Variants in BDNF observed in about 807,000 individuals in gnomAD.
BDNF encodes the protein neurotrophic factor BDNF precursor form.
A neutral mutation model predicts 19.5 loss-of-function variants in BDNF; 1 was observed. The ratio of observed to expected loss-of-function variants is 0.05; its 90% confidence interval spans 0.02 to 0.24. The LOEUF (loss-of-function observed/expected upper bound fraction) is 0.24, where lower values mean the gene tolerates loss of function less well. Ranked by LOEUF, BDNF falls within the 10% of genes least tolerant of loss-of-function variation. The pLI, the probability that BDNF is intolerant of heterozygous loss-of-function variation, is 1.00. For synonymous variants in BDNF, 100 were observed against 121.6 expected, an observed-to-expected ratio of 0.82 and a Z score of 1.17; for missense variants, 195 against 317.6, an observed-to-expected ratio of 0.61 and a Z score of 2.93.
chr11:27,713,195 G>A (rs973095516), intron 1 of BDNF, among the ~76,000 whole-genome samples: 1 of 152,156 alleles, frequency 6.6e-6, no homozygotes, highest in Admixed American at 6.6e-5. Context: ...CACCACACTG[G>A]GCATCAGAGC....
Position 27,658,112 on chromosome 11 carries a change from T to C in BDNF, c.453A>G (p.Ala151=), listed in dbSNP as rs749232626. The C allele has an allele frequency of 3.1e-6, 5 of 1,614,022 alleles. No homozygotes were observed. In the East Asian group the frequency reaches 8.9e-5, roughly 29 times the overall value. ...ACATGTCCACTGCAGTCTTTTTGTC[T>C]GCCGCCGTTACCCACTCACTAATAC... ...CDSISEWVTA[A]DKKTAVDMSG... The change falls in exon 2 of 2, where the codon GCA becomes GCG. Residue 151 remains alanine (A), a synonymous_variant. Transcript: ENST00000356660. The surrounding 1 kb of genome is among the most constrained non-coding windows in gnomAD (Gnocchi z 5.7).
chr11:27,702,929 G>A (rs1427401788), upstream of BDNF, among the ~76,000 whole-genome samples: 1 of 152,104 alleles, frequency 6.6e-6, no homozygotes, highest in Non-Finnish European at 1.5e-5. Flanking sequence ...TCTGTTCCTT[G>A]GAAGTGTTAT....
chr11:27,689,264 TATC>T (rs1162706177), intron 1 of BDNF, among the ~76,000 whole-genome samples: 1 of 152,254 alleles, frequency 6.6e-6, no homozygotes, highest in East Asian at 1.9e-4. Flanking sequence ...GTCACTGGGC[TATC>T]ATCCTTGCTC....
chr11:27,718,358 C>A (rs1222136506), intron 1 of BDNF, among the ~76,000 whole-genome samples: 2 of 144,208 alleles, frequency 1.4e-5, no homozygotes, highest in Non-Finnish European at 3.1e-5. Context: ...CACACCACCC[C>A]CCCCCGCCCC....
At chr11:27,694,848 G>T (rs560072326) in intron 1 of BDNF, among the ~76,000 whole-genome samples, 1 of 152,186 alleles carries the variant, frequency 6.6e-6, no homozygotes, top group South Asian at 2.1e-4. Flanking sequence ...AAAGTATAAT[G>T]AATTGCCTGT....
chr11:27,700,966 C>A, upstream of BDNF: 1 of 1,359,904 alleles, frequency 7.4e-7, no homozygotes, highest in Non-Finnish European at 9.8e-7. Flanking sequence ...GGGCCACAGA[C>A]ACACCTTCCC....
At chr11:27,702,246 G>A (rs1859936362), upstream of BDNF, among the ~76,000 whole-genome samples, 1 of 152,204 alleles carries the variant, frequency 6.6e-6, no homozygotes, top group African/African-American at 2.4e-5. Flanking sequence ...CCTCCTCGGA[G>A]CATAAAAATC....
At chr11:27,659,965 A>C (rs1371736630) in intron 1 of BDNF, among the ~76,000 whole-genome samples, 1 of 152,226 alleles carries the variant, frequency 6.6e-6, no homozygotes, top group Non-Finnish European at 1.5e-5. Flanking sequence ...ACTTACCTGA[A>C]GCATTGTGTT....
chr11:27,658,423 C>A lies in BDNF; in HGVS notation c.142G>T (p.Gly48Trp). 1.2e-6 allele frequency: 2 copies of A among 1,614,196 alleles called. No homozygotes were observed. Among genetic ancestry groups the A allele is most frequent in the Non-Finnish European group, 1.7e-6 (2 of 1,180,028 alleles). The change falls in exon 2 of 2, where the codon GGG becomes TGG. Residue 48 changes from glycine to tryptophan, a missense_variant. By Grantham distance (184) the Gly-to-Trp change is radical. Coordinates refer to ENST00000356660, the MANE Select transcript of BDNF (RefSeq NM_001709.5). The surrounding 1 kb of genome is among the most constrained non-coding windows in gnomAD (Gnocchi z 5.7). Reference sequence around the variant, plus strand: ...AAGCCTCTTGAACCTGCCTTGGGCCCATTCACGCTCTCCAGAGTCCCATGG... The same window carrying A: ...AAGCCTCTTGAACCTGCCTTGGGCCAATTCACGCTCTCCAGAGTCCCATGG... Reference protein sequence around the residue: ...RTHGTLESVNGPKAGSRGLTS... With the variant: ...RTHGTLESVNWPKAGSRGLTS...
At chr11:27,659,323 A>G in intron 1 of BDNF, 1 of 1,000,196 alleles carries the variant, frequency 1.0e-6, no homozygotes, top group Non-Finnish European at 1.2e-6. Flanking sequence ...TCTTTATTCT[A>G]CACCTGGGTG....
upstream of BDNF, among the ~76,000 whole-genome samples, chr11:27,702,140 A>G (rs1859932452): frequency 6.6e-6 from 1 of 152,236 alleles, no homozygotes. Context: ...TTTAAAGCTG[A>G]ATTTTCTTCT....
At chr11:27,717,509 A>G (rs980048479) in intron 1 of BDNF, among the ~76,000 whole-genome samples, 26 of 152,326 alleles carry the variant, frequency 1.7e-4, no homozygotes, top group African/African-American at 5.8e-4. Flanking sequence ...GGATGCTCAT[A>G]TTCTCATCTG....
chr11:27,659,706 G>A (rs1853150978), intron 1 of BDNF: 2 of 990,894 alleles, frequency 2.0e-6, no homozygotes, highest in Non-Finnish European at 2.4e-6. Flanking sequence ...GCTGAGTGGT[G>A]TTTTACACAT....
chr11:27,689,270 C>T (rs1173398111), intron 1 of BDNF, among the ~76,000 whole-genome samples: 3 of 152,190 alleles, frequency 2.0e-5, no homozygotes, highest in Admixed American at 6.5e-5. Context: ...GGGCTATCAT[C>T]CTTGCTCTGG....
At chr11:27,659,572 T>C (rs1853066643) in intron 1 of BDNF, 1 of 1,000,220 alleles carries the variant, frequency 1.0e-6, no homozygotes, top group Non-Finnish European at 1.2e-6. Flanking sequence ...TTTTTCTGGC[T>C]AATACACACA....
chr11:27,694,235 T>G (rs1409511254), intron 1 of BDNF, among the ~76,000 whole-genome samples: 1 of 152,214 alleles, frequency 6.6e-6, no homozygotes, highest in African/African-American at 2.4e-5. Flanking sequence ...ATTTCATATA[T>G]TCACAATTTC....
chr11:27,681,323 G>A (rs1856805667), intron 1 of BDNF, among the ~76,000 whole-genome samples: 1 of 152,126 alleles, frequency 6.6e-6, no homozygotes, highest in South Asian at 2.1e-4. Flanking sequence ...TCAACAGACT[G>A]TCCTGAGTAG....
In BDNF at chr11:27,697,164, C is replaced by CAGAGAGAGAGAGAG. The variant is rs72348822; in HGVS notation, c.-22+2986_-22+2999dup. Among the ~76,000 whole-genome samples, 34 of 133,160 alleles carry CAGAGAGAGAGAGAG rather than the reference C, an allele frequency of 2.6e-4. No individual in the cohort carries two copies. In the South Asian group the frequency reaches 3.6e-3, roughly 14 times the overall value. The allele number at this position is 133,160 out of a possible 152,430, so 87.4% of individuals were successfully genotyped here. On this transcript the variant is annotated intron_variant, in intron 1 of 1. Transcript: ENST00000356660. ...GCACGCACACACACACACACACACA[C>CAGAGAGAGAGAGAG]AGAGAGAGAGAGAGAGAGAGAGAGA...
At chr11:27,672,138 C>G (rs1365828997) in intron 1 of BDNF, among the ~76,000 whole-genome samples, 8 of 152,122 alleles carry the variant, frequency 5.3e-5, no homozygotes, top group Admixed American at 5.2e-4. Flanking sequence ...TTTATGTCAA[C>G]TAGCTTTTCC....
Sources: allele counts gnomAD v4.1 joint callset (sites outside exome capture counted in the v4.1 genomes callset), GRCh38; gene constraint gnomAD v4.1.1; non-coding constraint Gnocchi (gnomAD v3.1); transcripts MANE v1.5; gene names NCBI Gene and HGNC (gene_info 2026-07-23, HGNC 2026-07-21).